The following SYT16 variants were observed in gnomAD, a reference collection of about 807,000 sequenced individuals.
The protein encoded by SYT16 is synaptotagmin 16, also known as synaptotagmin-16.
A neutral mutation model predicts 61.4 loss-of-function variants in SYT16; 42 were observed. The observed-to-expected ratio is 0.68, with a 90% CI of 0.53 to 0.89. The LOEUF (loss-of-function observed/expected upper bound fraction) is 0.89, where lower values mean the gene tolerates loss of function less well. SYT16 is among the 40% of genes least tolerant of loss of function. The pLI, the probability that SYT16 is intolerant of heterozygous loss-of-function variation, is 0.00. For missense variants in SYT16, 804 were observed against 807.3 expected (o/e 1.00, Z 0.05); for synonymous variants, 314 against 302.3 (o/e 1.04, Z -0.40).
intron 2 of SYT16, among the ~76,000 whole-genome samples, chr14:61,994,737 T>C (rs2140624190): frequency 6.6e-6 from 1 of 152,294 alleles, no homozygotes; most frequent in East Asian, 1.9e-4. Flanking sequence ...ATGTGGGCTG[T>C]ATGGAGGCAA....
chr14:61,847,175 A>G (rs2046470076), intron 1 of SYT16, among the ~76,000 whole-genome samples: 1 of 152,140 alleles, frequency 6.6e-6, no homozygotes, highest in African/African-American at 2.4e-5. Flanking sequence ...CTTATTGTTC[A>G]TTAACATCCT....
At chr14:61,902,668 C>T (rs193197654) in intron 1 of SYT16, among the ~76,000 whole-genome samples, 284 of 152,250 alleles carry the variant, frequency 1.9e-3, no homozygotes, top group African/African-American at 6.5e-3. Context: ...TCCATTTTCA[C>T]GCTGCTGATA....
At chr14:61,821,621 C>A (rs1292698551) in intron 1 of SYT16, among the ~76,000 whole-genome samples, 1 of 152,178 alleles carries the variant, frequency 6.6e-6, no homozygotes, top group Non-Finnish European at 1.5e-5. Context: ...TGTGAACCTC[C>A]CAGTATGGCC....
intron 1 of SYT16, among the ~76,000 whole-genome samples, chr14:61,895,917 A>AC (rs1223364486): frequency 6.6e-6 from 1 of 152,170 alleles, no homozygotes; most frequent in Non-Finnish European, 1.5e-5. Context: ...GGATGAGCTA[A>AC]CCTCTTAGGG....
At chr14:61,987,758 T>TA (rs2057567128) in intron 2 of SYT16, among the ~76,000 whole-genome samples, 1 of 151,176 alleles carries the variant, frequency 6.6e-6, no homozygotes, top group African/African-American at 2.4e-5. Flanking sequence ...TTTTTTTTTT[T>TA]ACCACATTTT....
chr14:61,877,046 A>C (rs1407374159), intron 1 of SYT16, among the ~76,000 whole-genome samples: 1 of 151,932 alleles, frequency 6.6e-6, no homozygotes, highest in African/African-American at 2.4e-5. Flanking sequence ...CCTTTCTTCC[A>C]CTCAGCAAAT....
intron 1 of SYT16, among the ~76,000 whole-genome samples, chr14:61,940,849 C>G (rs976729658): frequency 6.6e-6 from 1 of 152,050 alleles, no homozygotes; most frequent in Non-Finnish European, 1.5e-5. Context: ...GACTGAGAAC[C>G]GGAATGGTTG....
intron 1 of SYT16, among the ~76,000 whole-genome samples, chr14:61,938,126 A>G (rs1390465334): frequency 6.6e-6 from 1 of 151,712 alleles, no homozygotes; most frequent in Non-Finnish European, 1.5e-5. Flanking sequence ...TAATTTTTCA[A>G]TTAATTACCG....
intron 1 of SYT16, among the ~76,000 whole-genome samples, chr14:61,942,931 A>G (rs529261620): frequency 4.3e-4 from 66 of 152,334 alleles, no homozygotes; most frequent in Non-Finnish European, 8.1e-4. Context: ...AAAAAAATCA[A>G]TGAATCCAGG....
intron 1 of SYT16, among the ~76,000 whole-genome samples, chr14:61,949,792 G>A (rs956339007): frequency 9.2e-5 from 14 of 152,188 alleles, no homozygotes; most frequent in Middle Eastern, 3.2e-3. Flanking sequence ...AGCCCCCTGT[G>A]ATTCTGATCT....
intron 3 of SYT16, among the ~76,000 whole-genome samples, chr14:62,061,674 G>A (rs1055862377): frequency 6.6e-6 from 1 of 152,140 alleles, no homozygotes; most frequent in Non-Finnish European, 1.5e-5. Flanking sequence ...TAGTGGTAAA[G>A]TGGTCAATTC....
chr14:62,075,508 A>C (rs1320832993), intron 5 of SYT16, 117 bp downstream of exon 5: 2 of 1,237,954 alleles, frequency 1.6e-6, no homozygotes, highest in African/African-American at 3.0e-5. Context: ...CATTACTTTT[A>C]TCTGCAATAA....
At chr14:62,041,779 T>A (rs2054741051) in intron 3 of SYT16, among the ~76,000 whole-genome samples, 3 of 152,188 alleles carry the variant, frequency 2.0e-5, no homozygotes, top group Admixed American at 2.0e-4. Context: ...ATATGTATTG[T>A]GCCACCTGAA....
At chr14:62,024,433 A>T (rs2054024110) in intron 3 of SYT16, among the ~76,000 whole-genome samples, 1 of 152,144 alleles carries the variant, frequency 6.6e-6, no homozygotes, top group Non-Finnish European at 1.5e-5. Flanking sequence ...ATGTATGTGT[A>T]TTATCCTTAA....
Position 61,956,247 on chromosome 14 carries a change from G to C in SYT16, c.-324-13885G>C, listed in dbSNP as rs1251358270. On this transcript the variant is annotated intron_variant, in intron 1 of 7. Coordinates refer to ENST00000683842, the MANE Select transcript of SYT16 (RefSeq NM_001367656.1). ...TGAAAATATTTTCCCTCATTCCATA[G>C]GTTACCTTTTCATTTGGTTAATTGT... is the stretch of plus-strand genomic sequence containing the variant. Among the ~76,000 whole-genome samples the C allele has an allele frequency of 2.0e-5, 3 of 152,082 alleles. No homozygotes were observed. The East Asian group carries it at 5.8e-4, about 29-fold the overall frequency.
intron 1 of SYT16, among the ~76,000 whole-genome samples, chr14:61,941,617 G>A (rs1445847418): frequency 2.6e-5 from 4 of 152,182 alleles, no homozygotes; most frequent in Non-Finnish European, 4.4e-5. Context: ...CCCAGCCTGC[G>A]GCATCAAAGT....
chr14:61,888,280 G>A (rs2047991573), intron 1 of SYT16, among the ~76,000 whole-genome samples: 1 of 151,936 alleles, frequency 6.6e-6, no homozygotes, highest in Non-Finnish European at 1.5e-5. Context: ...ACCATGCCTG[G>A]CTAATTTTTA....
At chr14:61,823,945 C>G (rs544106545) in intron 1 of SYT16, among the ~76,000 whole-genome samples, 1 of 152,324 alleles carries the variant, frequency 6.6e-6, no homozygotes, top group South Asian at 2.1e-4. Context: ...TTCCATGTCC[C>G]TTTCTTGAAA....
chr14:61,844,452 C>T (rs2046384168), intron 1 of SYT16, among the ~76,000 whole-genome samples: 2 of 152,088 alleles, frequency 1.3e-5, no homozygotes, highest in Admixed American at 6.5e-5. Flanking sequence ...TGGGCATTCT[C>T]ATTGTGTTCC....
Sources: gnomAD v4.1 joint callset for allele counts (sites outside exome capture counted in the v4.1 genomes callset) on GRCh38, gnomAD v4.1.1 for gene constraint, MANE v1.5 for transcripts, NCBI Gene and HGNC (gene_info 2026-07-23, HGNC 2026-07-21) for gene names.